The following PCCA variants were observed in gnomAD, a reference collection of about 807,000 sequenced individuals.
PCCA encodes the protein propionyl-CoA carboxylase subunit alpha.
A neutral mutation model predicts 101.3 loss-of-function variants in PCCA; 74 were observed. The ratio of observed to expected loss-of-function variants is 0.73; its 90% CI spans 0.61 to 0.89. PCCA has a LOEUF of 0.89. Ranked by LOEUF, PCCA falls within the 40% of genes least tolerant of loss-of-function variation. The pLI is 0.00. For missense variants in PCCA, 891 were observed against 907.0 expected (o/e 0.98, Z 0.23); for synonymous variants, 294 against 313.6 (o/e 0.94, Z 0.66).
chr13:100,409,240 A>C (rs766733829), intron 19 of PCCA, among the ~76,000 whole-genome samples: 2 of 152,164 alleles, frequency 1.3e-5, no homozygotes, highest in Non-Finnish European at 2.9e-5. Flanking sequence ...TCAGGATAAA[A>C]AGGCTTAGGA....
intron 12 of PCCA, among the ~76,000 whole-genome samples, chr13:100,284,132 C>T (rs138359107): frequency 2.6e-5 from 4 of 152,354 alleles, no homozygotes; most frequent in African/African-American, 9.6e-5. Flanking sequence ...TCCTCAAGGT[C>T]CCTTACCATC....
At chr13:100,258,418 G>A (rs2062224256) in intron 9 of PCCA, among the ~76,000 whole-genome samples, 1 of 152,240 alleles carries the variant, frequency 6.6e-6, no homozygotes, top group Non-Finnish European at 1.5e-5. Context: ...TTGTGGGAAA[G>A]AATGGTATCA....
intron 1 of PCCA, among the ~76,000 whole-genome samples, chr13:100,089,999 C>T (rs1359510646): frequency 3.9e-5 from 6 of 152,190 alleles, no homozygotes; most frequent in Non-Finnish European, 7.3e-5. Flanking sequence ...GACCACCTAA[C>T]CTACTTTATA....
intron 22 of PCCA, among the ~76,000 whole-genome samples, chr13:100,525,016 G>A (rs2087662751): frequency 6.6e-6 from 1 of 150,820 alleles, no homozygotes; most frequent in East Asian, 1.9e-4. Flanking sequence ...TAGATAGATA[G>A]ATAGATAGAT....
intron 6 of PCCA, among the ~76,000 whole-genome samples, chr13:100,187,629 T>A (rs2057393439): frequency 6.6e-6 from 1 of 152,194 alleles, no homozygotes; most frequent in South Asian, 2.1e-4. Flanking sequence ...CAACAATAAT[T>A]ATTTTTTAAA....
chr13:100,443,667 T>A (rs63425661), intron 20 of PCCA, among the ~76,000 whole-genome samples: 1 of 142,502 alleles, frequency 7.0e-6, no homozygotes, highest in South Asian at 2.2e-4. Flanking sequence ...TTTTTTTTTT[T>A]AATCTCAGGA....
chr13:100,262,735 T>C lies in PCCA; in HGVS notation c.723T>C (p.Gly241=). 6.7e-7 allele frequency: 1 copy of C among 1,499,754 alleles called. No homozygotes were observed. Among genetic ancestry groups the C allele is most frequent in the Non-Finnish European group, 9.2e-7 (1 of 1,092,228 alleles). 92.9% of individuals were successfully genotyped at this position (1,499,754 alleles called of 1,614,324 possible). The change falls in exon 10 of 24, where the codon GGT becomes GGC. Residue 241 remains glycine, a synonymous_variant. Coordinates refer to ENST00000376285, the MANE Select transcript of PCCA (RefSeq NM_000282.4). ...IAWDDEETRD[G]FRLSSQEAAS... ...TTCCTTCTTTTTTTCACAGGGATGG[T>C]TTTAGATTGTCATCTCAAGAAGCTG...
rs141735979 is a variant in PCCA, at chr13:100,177,349, T to A, written c.468+20009T>A. 8.7e-4 allele frequency among the ~76,000 whole-genome samples: 133 copies of A among 152,314 alleles called. 1 individual carries two copies. The highest frequency in any genetic ancestry group is 2.4e-4 in the Non-Finnish European group (16 of 68,006). ...TTTCTAGTGTCAGAGTAGTATTTAT[T>A]TGTTAATTTTGTAGACCTTTTTCAA... On this transcript the variant is annotated intron_variant, in intron 6 of 23. Transcript: ENST00000376285.
intron 17 of PCCA, among the ~76,000 whole-genome samples, chr13:100,333,381 C>T (rs2069940296): frequency 6.6e-6 from 1 of 152,202 alleles, no homozygotes; most frequent in African/African-American, 2.4e-5. Flanking sequence ...CTATCCTAGG[C>T]ACTATTCACA....
chr13:100,094,217 A>AT (rs1475140696), intron 1 of PCCA, among the ~76,000 whole-genome samples: 3 of 122,562 alleles, frequency 2.4e-5, no homozygotes, highest in Non-Finnish European at 5.5e-5. Context: ...AACAAGAGCG[A>AT]AAATCTGTCT....
chr13:100,181,770 CTTT>C (rs11329867), intron 6 of PCCA, among the ~76,000 whole-genome samples: 3 of 130,498 alleles, frequency 2.3e-5, no homozygotes, highest in African/African-American at 2.9e-5. Flanking sequence ...TTCTTTTTTT[CTTT>C]TTTTTTTTTT....
chr13:100,271,987 G>C (rs1328367236), intron 11 of PCCA, among the ~76,000 whole-genome samples: 2 of 152,140 alleles, frequency 1.3e-5, no homozygotes, highest in Non-Finnish European at 2.9e-5. Flanking sequence ...TCTCAATCCT[G>C]CTCATTTGAG....
At chr13:100,310,041 C>T in intron 16 of PCCA, 133 bp downstream of exon 16, 5 of 708,208 alleles carry the variant, frequency 7.1e-6, no homozygotes, top group South Asian at 1.6e-5. Flanking sequence ...ATAAGAAAAA[C>T]TCAAATCCAT....
intron 21 of PCCA, chr13:100,473,407 A>T (rs1025605222): frequency 5.3e-5 from 8 of 152,206 alleles, no homozygotes; most frequent in African/African-American, 1.9e-4. Context: ...TGGAATTTTG[A>T]GTGTCCCCAA....
At chr13:100,151,631 A>AC (rs1240338245) in intron 4 of PCCA, among the ~76,000 whole-genome samples, 7 of 152,136 alleles carry the variant, frequency 4.6e-5, no homozygotes, top group African/African-American at 1.7e-4. Context: ...ACAAAACAAA[A>AC]AAAACCCTAA....
At chr13:100,126,118 T>G (rs2152312493) in intron 4 of PCCA, among the ~76,000 whole-genome samples, 1 of 152,344 alleles carries the variant, frequency 6.6e-6, no homozygotes, top group Non-Finnish European at 1.5e-5. Flanking sequence ...CCATAGTGCC[T>G]GTCAGGTTGT....
intron 8 of PCCA, among the ~76,000 whole-genome samples, chr13:100,240,476 A>T (rs1359411145): frequency 6.6e-6 from 1 of 151,810 alleles, no homozygotes; most frequent in Non-Finnish European, 1.5e-5. Context: ...TTCATATCTT[A>T]GCCTAAGTAT....
chr13:100,315,103 A>T (rs1031524647), intron 16 of PCCA, among the ~76,000 whole-genome samples: 6 of 152,222 alleles, frequency 3.9e-5, no homozygotes, highest in African/African-American at 1.2e-4. Flanking sequence ...GTATCTGTGT[A>T]TAAATAGAAA....
chr13:100,152,963 G>A lies in PCCA; in HGVS notation c.301-2016G>A, dbSNP rs529080829. Among the ~76,000 whole-genome samples, 3 of 152,166 alleles carry A rather than the reference G, an allele frequency of 2.0e-5. No homozygotes were observed. In the East Asian group the frequency reaches 5.8e-4, roughly 29 times the overall value. On this transcript the variant is annotated intron_variant, in intron 4 of 23. Transcript: ENST00000376285. Reference sequence around the variant, plus strand: ...AAATTTTGGACACATAAACACATGTGCCTATGTGTATCTTTTAATTTCTTT... The same window carrying A: ...AAATTTTGGACACATAAACACATGTACCTATGTGTATCTTTTAATTTCTTT...
Sources: allele counts gnomAD v4.1 joint callset (sites outside exome capture counted in the v4.1 genomes callset), GRCh38; gene constraint gnomAD v4.1.1; transcripts MANE v1.5; gene names NCBI Gene and HGNC (gene_info 2026-07-23, HGNC 2026-07-21).